The following DAB1 variants were observed in gnomAD, a reference collection of about 807,000 sequenced individuals.
DAB1 encodes the protein disabled homolog 1.
In DAB1, 15 loss-of-function variants were observed where a neutral mutation model predicts 64.6. The ratio of observed to expected loss-of-function variants is 0.23; its 90% CI spans 0.16 to 0.36. The LOEUF is 0.36. Among genes scored for constraint, DAB1 ranks in the 10% least tolerant of loss-of-function variants. The probability of loss-of-function intolerance (pLI) is 1.00; values close to 1 mark genes in which losing one functional copy is unlikely to be tolerated. For synonymous variants in DAB1, 235 were observed against 251.9 expected, an observed-to-expected ratio of 0.93 and a Z score of 0.64; for missense variants, 596 against 706.7, an observed-to-expected ratio of 0.84 and a Z score of 1.78.
At chr1:57,640,140 T>C (rs1646110686) in intron 7 of DAB1, among the ~76,000 whole-genome samples, 1 of 152,176 alleles carries the variant, frequency 6.6e-6, no homozygotes, top group African/African-American at 2.4e-5. Context: ...CTCTGTGTCA[T>C]TTGCTATGTG....
chr1:57,977,364 G>A lies in DAB1; in HGVS notation n.388-93202C>T, dbSNP rs143883128. 1.5e-3 allele frequency among the ~76,000 whole-genome samples: 229 copies of A among 152,276 alleles called. 1 individual carries two copies. The highest frequency in any genetic ancestry group is 5.3e-3 in the African/African-American group (220 of 41,558). On this transcript the variant is annotated intron_variant and non_coding_transcript_variant, in intron 5 of 20. Transcript: ENST00000485760. Reference sequence around the variant, plus strand: ...TGATTAATCCCTGTCTTCATTAAAAGCATTCCTCTCCTCTTTAGAGGAAGA... The same window carrying A: ...TGATTAATCCCTGTCTTCATTAAAAACATTCCTCTCCTCTTTAGAGGAAGA...
intron 3 of DAB1, among the ~76,000 whole-genome samples, chr1:58,413,099 G>A (rs190804545): frequency 1.6e-4 from 25 of 152,322 alleles, no homozygotes; most frequent in African/African-American, 6.0e-4. Context: ...GGACAGGGAG[G>A]AGAGCATTAG....
intron 3 of DAB1, among the ~76,000 whole-genome samples, chr1:58,487,615 C>T (rs114022377): frequency 0.011 from 1,659 of 152,156 alleles, 32 homozygotes; most frequent in African/African-American, 0.038. Flanking sequence ...CTTTTCTTTG[C>T]TAATTTATTA....
chr1:58,279,896 A>G (rs1451314819), intron 4 of DAB1, among the ~76,000 whole-genome samples: 1 of 152,124 alleles, frequency 6.6e-6, no homozygotes, highest in East Asian at 1.9e-4. Flanking sequence ...GTGACTTTGC[A>G]GATCGGCTCC....
At position 58,295,611 on chromosome 1, in the gene DAB1, CTTTCT is replaced by C. The variant is rs150034991; in HGVS notation, n.309+47736_309+47740del. Among the ~76,000 whole-genome samples the C allele has an allele frequency of 5.4e-3, 827 of 152,232 alleles. 8 individuals carry two copies. The highest frequency in any genetic ancestry group is 0.019 in the African/African-American group (785 of 41,528). On this transcript the variant is annotated intron_variant and non_coding_transcript_variant, in intron 4 of 20. Coordinates refer to the DAB1 transcript ENST00000485760. ...CACACTTCATTTTTTTGTTTATCGC[CTTTCT>C]TCTTTGAAAGAAGAGTAGATGAGAG...
intron 1 of DAB1, among the ~76,000 whole-genome samples, chr1:57,421,619 T>C (rs1047288600): frequency 2.0e-5 from 3 of 152,104 alleles, no homozygotes; most frequent in African/African-American, 7.2e-5. Flanking sequence ...TTCAAACCAC[T>C]GCATTTTGAA....
intron 6 of DAB1, among the ~76,000 whole-genome samples, chr1:57,781,861 ATT>A (rs912422054): frequency 6.6e-5 from 10 of 152,160 alleles, no homozygotes; most frequent in African/African-American, 2.4e-4. Flanking sequence ...CAGGTTTATG[ATT>A]CAAATGTCTT....
At chr1:58,488,421 C>T (rs923466605) in intron 3 of DAB1, among the ~76,000 whole-genome samples, 14 of 152,106 alleles carry the variant, frequency 9.2e-5, no homozygotes, top group African/African-American at 3.1e-4. Context: ...CTGGTACACC[C>T]ATCACTCAAG....
rs150569437 is a variant in DAB1, at chr1:57,819,980, T to A, written n.551+64019A>T. Among the ~76,000 whole-genome samples, 268 of 152,280 alleles carry A rather than the reference T, an allele frequency of 1.8e-3. 2 individuals are homozygous for A. The highest frequency in any genetic ancestry group is 5.9e-3 in the African/African-American group (246 of 41,558). ...TCCTTAATAATAATAATCCTTTACA[T>A]CCCTATAGCACTTTAGGCTTCTTTC... is the stretch of plus-strand genomic sequence containing the variant. On this transcript the variant is annotated intron_variant and non_coding_transcript_variant, in intron 6 of 20. Coordinates refer to the DAB1 transcript ENST00000485760.
At chr1:57,481,204 G>A (rs1014498173) in intron 7 of DAB1, among the ~76,000 whole-genome samples, 3 of 152,146 alleles carry the variant, frequency 2.0e-5, no homozygotes, top group African/African-American at 7.2e-5. Flanking sequence ...TGGGAGCCAA[G>A]CATCAGTCAT....
chr1:58,514,332 T>C (rs1646127350), intron 2 of DAB1, among the ~76,000 whole-genome samples: 1 of 152,202 alleles, frequency 6.6e-6, no homozygotes, highest in African/African-American at 2.4e-5. Context: ...TTTCACCATT[T>C]CCCAATGCCA....
intron 4 of DAB1, among the ~76,000 whole-genome samples, chr1:58,248,356 G>A (rs1348905846): frequency 6.6e-6 from 1 of 152,152 alleles, no homozygotes; most frequent in Non-Finnish European, 1.5e-5. Context: ...ATAAAATTCA[G>A]AATCAGCTAA....
intron 2 of DAB1, among the ~76,000 whole-genome samples, chr1:57,202,909 A>G (rs575027821): frequency 6.6e-6 from 1 of 152,348 alleles, no homozygotes; most frequent in South Asian, 2.1e-4. Context: ...ATTCTCTGGT[A>G]ATTAACACAT....
chr1:57,818,447 T>C (rs558728874), intron 6 of DAB1, among the ~76,000 whole-genome samples: 22 of 152,152 alleles, frequency 1.4e-4, no homozygotes, highest in Non-Finnish European at 2.9e-4. Flanking sequence ...TAGTAAAATA[T>C]GTTTCTTTGT....
At position 57,145,337 on chromosome 1, in the gene DAB1, C is replaced by T. The variant is rs774969457; in HGVS notation, c.160G>A (p.Ala54Thr). The change falls in exon 3 of 15, where the codon GCA (alanine) becomes ACA (threonine). Residue 54 changes from alanine (A) to threonine (T), a missense_variant. Transcript: ENST00000371236. The stretch of plus-strand genomic sequence containing the variant: ...TGACATAACTTGTCTCCCCGAGCTG[C>T]GGAAACTTCATCAATCCCGATCAAT... Reference protein sequence around the residue: ...AKLIGIDEVSAARGDKLCQDS... With the variant: ...AKLIGIDEVSTARGDKLCQDS... The T allele has an allele frequency of 1.5e-5, 25 of 1,613,984 alleles. No individual in the cohort carries two copies. Among genetic ancestry groups the T allele is most frequent in the East Asian group, 2.2e-5 (1 of 44,868 alleles).
chr1:57,971,291 C>G (rs997472751), intron 5 of DAB1, among the ~76,000 whole-genome samples: 4 of 152,222 alleles, frequency 2.6e-5, no homozygotes, highest in African/African-American at 9.7e-5. Context: ...CACTGCCTGT[C>G]TCTACTTATG....
intron 3 of DAB1, among the ~76,000 whole-genome samples, chr1:58,426,602 CAAAGGCAGGAAA>C (rs561446159): frequency 1.8e-3 from 281 of 152,170 alleles, no homozygotes; most frequent in Non-Finnish European, 3.2e-3. Flanking sequence ...AATTCAAGTC[CAAAGGCAGGAAA>C]AAAGGCAGGA....
rs56816699 is a variant in DAB1, at chr1:58,296,195, G to GAGAAAGAAAGAA, written n.309+47145_309+47156dup. On this transcript the variant is annotated intron_variant and non_coding_transcript_variant, in intron 4 of 20. Transcript: ENST00000485760. ...GAAAAAAGAAAGAAAGAGAAAGAAA[G>GAGAAAGAAAGAA]AGAAAGAAAGAAAGAAAGAAAGAAA... 7.4e-3 allele frequency among the ~76,000 whole-genome samples: 691 copies of GAGAAAGAAAGAA among 93,532 alleles called. 13 individuals are homozygous for GAGAAAGAAAGAA. The highest frequency in any genetic ancestry group is 0.013 in the East Asian group (37 of 2,928). The allele number at this position is 93,532 out of a possible 152,430, so 61.4% of individuals were successfully genotyped here. A position where few individuals can be genotyped will look rare whatever the true frequency, so the allele number is the denominator to read the frequency against.
intron 9 of DAB1, among the ~76,000 whole-genome samples, chr1:57,048,486 G>A (rs1648808099): frequency 6.6e-6 from 1 of 152,160 alleles, no homozygotes; most frequent in Admixed American, 6.5e-5. Flanking sequence ...TCCAATCTCT[G>A]TTCATGAATT....
Sources: gnomAD v4.1 joint callset for allele counts (sites outside exome capture counted in the v4.1 genomes callset) on GRCh38, gnomAD v4.1.1 for gene constraint, MANE v1.5 for transcripts, NCBI Gene and HGNC (gene_info 2026-07-23, HGNC 2026-07-21) for gene names.